ALDH3B2: variants seen among roughly 807,000 people sequenced by gnomAD.
ALDH3B2 encodes the protein aldehyde dehydrogenase 3 family member B2.
Under a neutral mutation model 36.7 loss-of-function variants are expected in ALDH3B2, and 45 were observed. That is an observed-to-expected ratio of 1.23 (90% CI 0.97 to 1.57). ALDH3B2 has a LOEUF of 1.57. ALDH3B2 is among the 40% of genes most tolerant of loss of function. ALDH3B2 has a pLI of 0.00. For missense variants in ALDH3B2, 464 were observed against 513.3 expected, an observed-to-expected ratio of 0.90 and a Z score of 0.93; for synonymous variants, 217 against 226.5, an observed-to-expected ratio of 0.96 and a Z score of 0.38.
intron 1 of ALDH3B2, among the ~76,000 whole-genome samples, chr11:67,680,308 C>CG (rs1856347012): frequency 2.0e-5 from 3 of 152,028 alleles, no homozygotes; most frequent in Non-Finnish European, 4.4e-5. Context: ...AGTGAGACTC[C>CG]ATCTCAAGAA....
intron 7 of ALDH3B2, 53 bp from the exon 8 acceptor site, chr11:67,664,615 A>G: frequency 6.2e-7 from 1 of 1,600,520 alleles, no homozygotes; most frequent in South Asian, 1.1e-5. Flanking sequence ...GACTGCCCCC[A>G]GGGGTAGGGT....
At position 67,680,594 on chromosome 11, in the gene ALDH3B2, T is replaced by C. The variant is rs150874955; in HGVS notation, c.-245+582A>G. Reference sequence around the variant, plus strand: ...ACCAGGCTCTGCTAATTTTTGTATATTTTTTAGAGACAGGGTTTTGCCATG... The same window carrying C: ...ACCAGGCTCTGCTAATTTTTGTATACTTTTTAGAGACAGGGTTTTGCCATG... On this transcript the variant is annotated intron_variant, in intron 1 of 9. Transcript: ENST00000530069. Among the ~76,000 whole-genome samples, 309 of 152,200 alleles carry C rather than the reference T, an allele frequency of 2.0e-3. 1 individual carries two copies. The highest frequency in any genetic ancestry group is 7.3e-3 in the African/African-American group (302 of 41,526).
intron 1 of ALDH3B2, among the ~76,000 whole-genome samples, chr11:67,673,107 T>G (rs1417048499): frequency 6.6e-6 from 1 of 151,894 alleles, no homozygotes; most frequent in Non-Finnish European, 1.5e-5. Flanking sequence ...ATTTTTTGTG[T>G]TTTTAGTAGA....
chr11:67,672,085 A>ATATATATATATATATATATGTG (rs1398899805), intron 1 of ALDH3B2, among the ~76,000 whole-genome samples: 1 of 52,840 alleles, frequency 1.9e-5, no homozygotes, highest in African/African-American at 7.4e-5. Context: ...ATATATATAT[A>ATATATATATATATATATATGTG]TATGTATGTA....
At chr11:67,680,501 C>T (rs1182669086) in intron 1 of ALDH3B2, among the ~76,000 whole-genome samples, 1 of 152,172 alleles carries the variant, frequency 6.6e-6, no homozygotes, top group South Asian at 2.1e-4. Context: ...ACTGCCACCT[C>T]TGCCTCCTGG....
Position 67,669,574 on chromosome 11 carries a change from CTGTG to C in ALDH3B2, c.-244-1943_-244-1940del, listed in dbSNP as rs1435537991. Among the ~76,000 whole-genome samples, 16 of 143,812 alleles carry C rather than the reference CTGTG, an allele frequency of 1.1e-4. 1 individual carries two copies. Among genetic ancestry groups the C allele is most frequent in the Non-Finnish European group, 6.1e-5 (4 of 65,708 alleles). 94.3% of individuals were successfully genotyped at this position (143,812 alleles called of 152,430 possible). On this transcript the variant is annotated intron_variant, in intron 1 of 9. Transcript: ENST00000349015. ...TATGGGTGTCTGTGTGTCTGTGTGT[CTGTG>C]TGTGTATGGGTGCTGTGTCCATGTG...
upstream of ALDH3B2, among the ~76,000 whole-genome samples, chr11:67,675,159 A>T (rs1385133857): frequency 6.6e-6 from 1 of 152,142 alleles, no homozygotes; most frequent in African/African-American, 2.4e-5. Flanking sequence ...GAGACCCTTG[A>T]TGGGCGACGG....
At chr11:67,667,061 C>A in intron 2 of ALDH3B2, 45 bp from the exon 3 acceptor site, 1 of 1,167,600 alleles carries the variant, frequency 8.6e-7, no homozygotes. Flanking sequence ...CAGACCTGGG[C>A]CAGGAGGGGT....
chr11:67,669,773 T>C (rs1856038303), intron 1 of ALDH3B2, among the ~76,000 whole-genome samples: 1 of 132,280 alleles, frequency 7.6e-6, no homozygotes, highest in Admixed American at 7.3e-5. Context: ...TGTGTGTGTA[T>C]GGGTGTCTGT....
At chr11:67,662,919 A>AT in exon 10 of ALDH3B2, 1 of 426,646 alleles carries the variant, frequency 2.3e-6, no homozygotes, top group South Asian at 3.0e-5. Context: ...TGCCCCTGTG[A>AT]CTGGGTCTGG....
intron 1 of ALDH3B2, among the ~76,000 whole-genome samples, chr11:67,668,498 G>A (rs1292530775): frequency 1.3e-5 from 2 of 152,176 alleles, no homozygotes; most frequent in African/African-American, 4.8e-5. Context: ...CAGCCCAGGG[G>A]CTCAAGAATG....
At chr11:67,676,972 C>CA (rs962159024), upstream of ALDH3B2, among the ~76,000 whole-genome samples, 14 of 150,334 alleles carry the variant, frequency 9.3e-5, no homozygotes, top group East Asian at 3.9e-4. Flanking sequence ...AAATTACCAA[C>CA]AAAAAAAAAG....
At chr11:67,663,836 G>A (rs769663166) in intron 8 of ALDH3B2, 75 bp from the exon 9 acceptor site, 40 of 1,320,802 alleles carry the variant, frequency 3.0e-5, no homozygotes, top group Middle Eastern at 3.8e-4. Context: ...ATTCCACAGC[G>A]GAGGTGAGCC....
At chr11:67,664,935 T>C (rs1321368908) in intron 7 of ALDH3B2, among the ~76,000 whole-genome samples, 2 of 152,136 alleles carry the variant, frequency 1.3e-5, no homozygotes, top group African/African-American at 2.4e-5. Context: ...GGGCTCAGGA[T>C]GGGGCCGTCA....
chr11:67,663,839 G>T (rs996647969), intron 8 of ALDH3B2, 78 bp from the exon 9 acceptor site: 1 of 1,294,436 alleles, frequency 7.7e-7, no homozygotes, highest in Non-Finnish European at 1.1e-6. Flanking sequence ...CCACAGCGGA[G>T]GTGAGCCTCA....
chr11:67,667,227 CCT>C (rs1214195590), intron 2 of ALDH3B2, among the ~76,000 whole-genome samples: 7 of 152,196 alleles, frequency 4.6e-5, no homozygotes, highest in East Asian at 1.9e-4. Context: ...GATGTTAACC[CCT>C]GAGTGCCTCA....
At position 67,664,620 on chromosome 11, in the gene ALDH3B2, T is replaced by A; in HGVS notation, c.707-58A>T. 3 of 1,594,988 alleles carry A rather than the reference T, an allele frequency of 1.9e-6. No homozygotes were observed. The Middle Eastern group carries it at 6.3e-4, about 337-fold the overall frequency. Reference sequence around the variant, plus strand: ...CCACAGTCAGGACTGCCCCCAGGGGTAGGGTAGAGGTGGGGACAGGGGCAT... The same window carrying A: ...CCACAGTCAGGACTGCCCCCAGGGGAAGGGTAGAGGTGGGGACAGGGGCAT... On this transcript the variant is annotated intron_variant, in intron 7 of 9. Coordinates refer to ENST00000349015, the Ensembl canonical transcript of ALDH3B2.
exon 10 of ALDH3B2, chr11:67,663,121 T>C (rs1439665964): frequency 1.3e-5 from 19 of 1,423,782 alleles, no homozygotes; most frequent in Non-Finnish European, 1.6e-5. Flanking sequence ...TGGGGGAACC[T>C]GCGGTCTGGA....
At position 67,664,518 on chromosome 11, in the gene ALDH3B2, G is replaced by A; in HGVS notation, c.751C>T (p.Gln251Ter). The A allele has an allele frequency of 6.2e-7, 1 of 1,613,934 alleles. No individual in the cohort carries two copies. The highest frequency in any genetic ancestry group is 8.5e-7 in the Non-Finnish European group (1 of 1,180,020). The change falls in exon 8 of 10, where the codon CAG (glutamine) becomes TAG (stop). Residue 251 changes from glutamine (Q) to a stop codon, truncating the protein, a stop_gained. Coordinates refer to ENST00000349015, the Ensembl canonical transcript of ALDH3B2. LOFTEE classifies it high-confidence loss of function. ...AGGATGGGCCCGAAGATCTCCTCCT[G>A]CATCACAGGCTCCGTCTCCTGCACG...
Sources: allele counts gnomAD v4.1 joint callset (sites outside exome capture counted in the v4.1 genomes callset), GRCh38; gene constraint gnomAD v4.1.1; transcripts MANE v1.5; gene names NCBI Gene and HGNC (gene_info 2026-07-23, HGNC 2026-07-21).